The following SGK2 variants were observed in gnomAD, a reference collection of about 807,000 sequenced individuals.
SGK2 encodes serine/threonine-protein kinase Sgk2.
A neutral mutation model predicts 47.5 loss-of-function variants in SGK2; 36 were observed. The ratio of observed to expected loss-of-function variants is 0.76; its 90% CI spans 0.58 to 1.00. The LOEUF is 1.00. Ranked by LOEUF, SGK2 falls within the 50% of genes least tolerant of loss-of-function variation. SGK2 has a pLI of 0.00. For synonymous variants in SGK2, 157 were observed against 181.9 expected (o/e 0.86, Z 1.10); for missense variants, 404 against 467.4 (o/e 0.86, Z 1.25).
At chr20:43,581,865 T>C (rs1224258773) in intron 12 of SGK2, among the ~76,000 whole-genome samples, 1 of 152,092 alleles carries the variant, frequency 6.6e-6, no homozygotes, top group Non-Finnish European at 1.5e-5. Context: ...CTTTTCACTG[T>C]GTGGAAGGGA....
intron 2 of SGK2, 106 bp downstream of exon 2, chr20:43,566,637 G>T: frequency 1.3e-6 from 1 of 762,648 alleles, no homozygotes; most frequent in Non-Finnish European, 2.2e-6. Context: ...GGGTTACTGC[G>T]AGCACATAGA....
intron 11 of SGK2, 45 bp downstream of exon 11, chr20:43,576,424 G>C: frequency 1.9e-6 from 3 of 1,566,392 alleles, no homozygotes; most frequent in Non-Finnish European, 2.6e-6. Context: ...GGGGCTCGCA[G>C]CTTCCTGCAG....
intron 12 of SGK2, chr20:43,583,461 T>C: frequency 8.5e-7 from 1 of 1,181,096 alleles, no homozygotes; most frequent in East Asian, 6.1e-5. Flanking sequence ...CTCTGAGTGC[T>C]GGGCTGGGAC....
intron 11 of SGK2, among the ~76,000 whole-genome samples, chr20:43,577,571 G>A (rs961896486): frequency 5.4e-5 from 8 of 149,088 alleles, no homozygotes; most frequent in Non-Finnish European, 1.0e-4. Flanking sequence ...AGATGGTCTC[G>A]ATCTTTTGAC....
chr20:43,585,204 G>A lies in SGK2; in HGVS notation c.*188G>A. 2.1e-6 allele frequency: 1 copy of A among 479,286 alleles called. No homozygotes were observed. Among genetic ancestry groups the A allele is most frequent in the Non-Finnish European group, 3.7e-6 (1 of 270,542 alleles). 29.7% of individuals were successfully genotyped at this position (479,286 alleles called of 1,614,324 possible). Reference sequence around the variant, plus strand: ...AGGACAGGTCATCAGATACTCAGAGGCTGTATCTCTGCCCTGCCAACCTTG... The same window carrying A: ...AGGACAGGTCATCAGATACTCAGAGACTGTATCTCTGCCCTGCCAACCTTG... On this transcript the variant is annotated 3_prime_UTR_variant, in exon 13 of 13. Transcript: ENST00000373100.
chr20:43,569,445 G>A lies in SGK2; in HGVS notation c.289G>A (p.Val97Met), dbSNP rs149168513. The A allele has an allele frequency of 6.4e-5, 104 of 1,613,750 alleles. No individual in the cohort carries two copies. Among genetic ancestry groups the A allele is most frequent in the South Asian group, 1.9e-4 (17 of 91,090 alleles). Residue 97 changes from valine to methionine, a missense_variant, in exon 6 of 13, where the codon GTG becomes ATG. Val to Met is a conservative substitution (Grantham distance 21). Coordinates refer to ENST00000373100, the MANE Select transcript of SGK2 (RefSeq NM_170693.3). ...GAAGAACGTGCGGCACCCCTTCCTC[G>A]TGGGCCTGCGCTACTCCTTCCAGAC... ...LLKNVRHPFL[V>M]GLRYSFQTPE...
chr20:43,567,611 ACCAGGTTT>A, intron 3 of SGK2, 46 bp from the exon 4 acceptor site: 1 of 1,546,696 alleles, frequency 6.5e-7, no homozygotes, highest in Non-Finnish European at 8.9e-7. Context: ...GTTCTCAGGC[ACCAGGTTT>A]CCAGACATTG....
chr20:43,563,715 G>A (rs1293926959), intron 1 of SGK2, among the ~76,000 whole-genome samples: 18 of 152,228 alleles, frequency 1.2e-4, no homozygotes, highest in Admixed American at 1.2e-3. Flanking sequence ...TTATTTTGCT[G>A]TTATAAATAG....
At position 43,571,144 on chromosome 20, in the gene SGK2, A is replaced by G. The variant is rs1980103406; in HGVS notation, c.510+84A>G. The G allele has an allele frequency of 1.3e-5, 20 of 1,592,984 alleles. No homozygotes were observed. In the South Asian group the frequency reaches 2.0e-4, roughly 16 times the overall value. On this transcript the variant is annotated intron_variant, in intron 8 of 12. Coordinates refer to ENST00000373100, the MANE Select transcript of SGK2 (RefSeq NM_170693.3). ...ACACTATCTGACCATGAGTCTGTGT[A>G]CATGGGTGTGCATGCATTGTACATG...
intron 12 of SGK2, chr20:43,583,196 C>A (rs1188395084): frequency 1.6e-6 from 2 of 1,289,554 alleles, no homozygotes; most frequent in Non-Finnish European, 2.0e-6. Context: ...ACACTCGGGC[C>A]AGGCACCAGA....
intron 9 of SGK2, among the ~76,000 whole-genome samples, chr20:43,573,359 G>A (rs1980263648): frequency 6.6e-6 from 1 of 152,118 alleles, no homozygotes; most frequent in Non-Finnish European, 1.5e-5. Context: ...TGTGCTGGCA[G>A]GCACCTGTAA....
At chr20:43,579,085 TCGGCTCA>T (rs1170538456) in intron 11 of SGK2, among the ~76,000 whole-genome samples, 3 of 150,870 alleles carry the variant, frequency 2.0e-5, no homozygotes, top group Non-Finnish European at 2.9e-5. Flanking sequence ...TGGCATGATC[TCGGCTCA>T]CTGCAACCTC....
chr20:43,581,536 CT>C (rs532719572), intron 12 of SGK2, among the ~76,000 whole-genome samples: 2 of 151,848 alleles, frequency 1.3e-5, no homozygotes, highest in South Asian at 2.1e-4. Flanking sequence ...TTTTTAGATT[CT>C]TTTTTTATTT....
intron 1 of SGK2, among the ~76,000 whole-genome samples, chr20:43,563,009 A>C (rs907436718): frequency 1.3e-5 from 2 of 151,614 alleles, no homozygotes; most frequent in Admixed American, 1.3e-4. Context: ...GGTGGCGGGC[A>C]CCTGTAGTCC....
chr20:43,560,020 GT>G (rs1979290397), intron 1 of SGK2, among the ~76,000 whole-genome samples: 1 of 152,072 alleles, frequency 6.6e-6, no homozygotes. Context: ...TTAGAACACC[GT>G]GGTGCGAGAG....
At chr20:43,561,341 C>T (rs373548005) in intron 1 of SGK2, among the ~76,000 whole-genome samples, 3 of 150,640 alleles carry the variant, frequency 2.0e-5, no homozygotes, top group South Asian at 2.1e-4. Context: ...ATGGAGACAG[C>T]AAGCTAGGTC....
intron 1 of SGK2, among the ~76,000 whole-genome samples, chr20:43,562,350 A>G (rs1979438685): frequency 1.4e-5 from 2 of 147,946 alleles, no homozygotes; most frequent in South Asian, 2.2e-4. Context: ...CCAGGGAGGT[A>G]AAGATTGCAG....
rs116903600 is a variant in SGK2, at chr20:43,568,955, G to A, written c.229-430G>A. Among the ~76,000 whole-genome samples, 291 of 152,282 alleles carry A rather than the reference G, an allele frequency of 1.9e-3. 6 individuals carry two copies. The East Asian group carries it at 0.043, about 23-fold the overall frequency. Reference sequence around the variant, plus strand: ...GGGAGGTCTTCCTGAGGGAGGCAGCGGTGCAGCTGGCCTTGATGGTGGGAT... The same window carrying A: ...GGGAGGTCTTCCTGAGGGAGGCAGCAGTGCAGCTGGCCTTGATGGTGGGAT... On this transcript the variant is annotated intron_variant, in intron 5 of 12. Transcript: ENST00000373100.
In SGK2 at chr20:43,574,396, T is replaced by A. The variant is rs1297463726; in HGVS notation, c.598-513T>A. On this transcript the variant is annotated intron_variant, in intron 9 of 12. Transcript: ENST00000373100. Reference sequence around the variant, plus strand: ...GTTTCCAGCACAAGGATATGCCACATGTACTTTTACTTACACTCACATTAG... The same window carrying A: ...GTTTCCAGCACAAGGATATGCCACAAGTACTTTTACTTACACTCACATTAG... Among the ~76,000 whole-genome samples, 4 of 152,214 alleles carry A rather than the reference T, an allele frequency of 2.6e-5. No individual in the cohort carries two copies. The East Asian group carries it at 7.7e-4, about 29-fold the overall frequency.
Sources: gnomAD v4.1 joint callset for allele counts (sites outside exome capture counted in the v4.1 genomes callset) on GRCh38, gnomAD v4.1.1 for gene constraint, MANE v1.5 for transcripts, NCBI Gene and HGNC (gene_info 2026-07-23, HGNC 2026-07-21) for gene names.